The following ALK variants were observed in gnomAD, a reference collection of about 807,000 sequenced individuals.
The protein encoded by ALK is ALK receptor tyrosine kinase.
Under a neutral mutation model 163.1 loss-of-function variants are expected in ALK, and 74 were observed. The ratio of observed to expected loss-of-function variants is 0.45; its 90% CI spans 0.38 to 0.55. The LOEUF (loss-of-function observed/expected upper bound fraction) is 0.55. Ranked by LOEUF, ALK falls within the 20% of genes least tolerant of loss-of-function variation. ALK has a pLI of 0.00. For missense variants in ALK, 2,063 were observed against 2,105.3 expected, an observed-to-expected ratio of 0.98 and a Z score of 0.39; for synonymous variants, 960 against 843.2, an observed-to-expected ratio of 1.14 and a Z score of -2.40.
intron 3 of ALK, among the ~76,000 whole-genome samples, chr2:29,589,080 C>T (rs568324572): frequency 2.0e-4 from 31 of 152,204 alleles, no homozygotes; most frequent in African/African-American, 5.1e-4. Flanking sequence ...TGGGAGAAAC[C>T]TTATCATCTC....
rs867422810 is a variant in ALK at position 29,193,496 on chromosome 2, C to A, written c.4591G>T (p.Gly1531Cys). The change falls in exon 29 of 29, where the codon GGT becomes TGT. Residue 1531 changes from glycine (G) to cysteine (C), a missense_variant. By Grantham distance (159) the Gly-to-Cys change is radical. Around this residue, in one of 5 missense-constraint regions of ALK, gnomAD observed 403 missense variants for 366.2 expected, o/e 1.10. Transcript: ENST00000389048. The part of the protein sequence containing the change: ...PIAKKEPHDR[G>C]NLGLEGSCTV... ...CAGCTTCCCTCCAGCCCCAGGTTAC[C>A]CCTGTCGTGTGGCTCCTTCTTTGCT... 6.2e-7 allele frequency: 1 copy of A among 1,614,152 alleles called. No individual in the cohort carries two copies. The highest frequency in any genetic ancestry group is 8.5e-7 in the Non-Finnish European group (1 of 1,180,024).
rs78456567 is a variant in ALK at position 29,287,709 on chromosome 2, C to T, written c.1817+9179G>A. Among the ~76,000 whole-genome samples the T allele has an allele frequency of 1.8e-4, 27 of 151,926 alleles. No homozygotes were observed. The East Asian group carries it at 5.3e-3, about 30-fold the overall frequency. On this transcript the variant is annotated intron_variant, in intron 9 of 28. Transcript: ENST00000389048. ...TAAAAATCTTCCTGTTCAAGGCTTC[C>T]TAAGCTCTTTGCCCACCGACTGGCT...
At chr2:29,278,772 C>G (rs1290169240) in intron 9 of ALK, among the ~76,000 whole-genome samples, 2 of 152,212 alleles carry the variant, frequency 1.3e-5, no homozygotes, top group African/African-American at 4.8e-5. Context: ...GTGGGAGCAT[C>G]AGGAAGGCAC....
chr2:29,820,006 C>T (rs13394743), intron 1 of ALK, among the ~76,000 whole-genome samples: 5,157 of 152,238 alleles, frequency 0.034, 269 homozygotes, highest in African/African-American at 0.11. Flanking sequence ...GGTAACAGAG[C>T]GTGATGGTTT....
intron 15 of ALK, 114 bp downstream of exon 15, chr2:29,232,190 C>T (rs1050631410): frequency 1.4e-6 from 2 of 1,430,624 alleles, no homozygotes; most frequent in Non-Finnish European, 2.0e-6. Context: ...ATATTCAGAG[C>T]TCCTAGCATC....
chr2:29,744,609 T>C (rs1680157873), intron 1 of ALK, among the ~76,000 whole-genome samples: 1 of 152,102 alleles, frequency 6.6e-6, no homozygotes, highest in African/African-American at 2.4e-5. Context: ...ATTTTATTGA[T>C]TGATTGATTG....
chr2:29,285,179 C>T (rs1665820145), intron 9 of ALK, among the ~76,000 whole-genome samples: 1 of 152,188 alleles, frequency 6.6e-6, no homozygotes, highest in African/African-American at 2.4e-5. Flanking sequence ...CCACTGGGCC[C>T]CTCAAAAGAC....
chr2:29,561,422 A>T (rs1389522548), intron 3 of ALK, among the ~76,000 whole-genome samples: 1 of 152,134 alleles, frequency 6.6e-6, no homozygotes, highest in East Asian at 1.9e-4. Context: ...CGGTGATTGG[A>T]GGAGGGGTGT....
intron 13 of ALK, among the ~76,000 whole-genome samples, chr2:29,234,677 G>A (rs2148185421): frequency 6.6e-6 from 1 of 152,212 alleles, no homozygotes; most frequent in East Asian, 1.9e-4. Flanking sequence ...AGGTCGTTGT[G>A]GCATTTACTG....
At chr2:29,286,438 G>A (rs1665859678) in intron 9 of ALK, 1 of 152,066 alleles carries the variant, frequency 6.6e-6, no homozygotes, top group African/African-American at 2.4e-5. Context: ...AAGTCAACTG[G>A]GGAACTTTAA....
Position 29,192,886 on chromosome 2 carries a change from A to T in ALK, c.*338T>A. 2.4e-6 allele frequency: 1 copy of T among 423,290 alleles called. No individual in the cohort carries two copies. The highest frequency in any genetic ancestry group is 4.4e-6 in the Non-Finnish European group (1 of 227,414). The allele number at this position is 423,290 out of a possible 1,614,324, so 26.2% of individuals were successfully genotyped here. A position where few individuals can be genotyped will look rare whatever the true frequency, so the allele number is the denominator to read the frequency against. On this transcript the variant is annotated 3_prime_UTR_variant, in exon 29 of 29. Coordinates refer to ENST00000389048, the MANE Select transcript of ALK (RefSeq NM_004304.5). ...GACCCCAACTATGAAACATAGAAGCAGCTAATTCTGACTACATTGAAGCAG... is the reference window on the plus strand; with the variant it reads ...GACCCCAACTATGAAACATAGAAGCTGCTAATTCTGACTACATTGAAGCAG...
chr2:29,567,679 G>A (rs79924381), intron 3 of ALK, among the ~76,000 whole-genome samples: 27,968 of 150,114 alleles, frequency 0.19, 2,712 homozygotes, highest in South Asian at 0.23. Context: ...CCCAAGGTGC[G>A]TCTGGCCACG....
intron 1 of ALK, among the ~76,000 whole-genome samples, chr2:29,824,873 T>G (rs1665153893): frequency 6.6e-6 from 1 of 152,174 alleles, no homozygotes; most frequent in Non-Finnish European, 1.5e-5. Context: ...TTTTGAAATG[T>G]GAGAACATGA....
chr2:29,340,504 C>A (rs772412307), intron 5 of ALK, among the ~76,000 whole-genome samples: 5 of 152,126 alleles, frequency 3.3e-5, no homozygotes, highest in African/African-American at 9.7e-5. Flanking sequence ...ATGACATCCA[C>A]GGTAGCCACA....
chr2:29,736,938 C>T (rs1035283244), intron 1 of ALK, among the ~76,000 whole-genome samples: 8 of 151,998 alleles, frequency 5.3e-5, no homozygotes, highest in African/African-American at 1.7e-4. Context: ...AGAGAATGGG[C>T]ACAAATACTT....
chr2:29,840,094 T>A (rs1378587061), intron 1 of ALK, among the ~76,000 whole-genome samples: 1 of 152,248 alleles, frequency 6.6e-6, no homozygotes, highest in Non-Finnish European at 1.5e-5. Flanking sequence ...TCTTAACTGC[T>A]ACGTTATACC....
intron 5 of ALK, among the ~76,000 whole-genome samples, chr2:29,338,321 C>T (rs757674406): frequency 1.3e-5 from 2 of 152,198 alleles, no homozygotes; most frequent in Non-Finnish European, 2.9e-5. Flanking sequence ...CACCTCACCA[C>T]CAGAGTCAGC....
At chr2:29,384,342 G>A (rs1308654484) in intron 4 of ALK, among the ~76,000 whole-genome samples, 5 of 152,144 alleles carry the variant, frequency 3.3e-5, no homozygotes, top group African/African-American at 9.7e-5. Context: ...TACTTAAGAC[G>A]GAAGCTAGTA....
intron 27 of ALK, 69 bp from the exon 28 acceptor site, chr2:29,196,929 C>T (rs2148142188): frequency 7.3e-7 from 1 of 1,365,618 alleles, no homozygotes; most frequent in Non-Finnish European, 1.0e-6. Context: ...TTCTTCCAGC[C>T]CCAGGGTTGC....
Sources: gnomAD v4.1 joint callset for allele counts (sites outside exome capture counted in the v4.1 genomes callset) on GRCh38, gnomAD v4.1.1 for gene constraint, gnomAD v4.1.1 regional missense constraint, MANE v1.5 for transcripts, NCBI Gene and HGNC (gene_info 2026-07-23, HGNC 2026-07-21) for gene names.